The following ME1 variants were observed in gnomAD, a reference collection of about 807,000 sequenced individuals.
The protein encoded by ME1 is NADP-dependent malic enzyme.
Under a neutral mutation model 66.4 loss-of-function variants are expected in ME1, and 74 were observed. The ratio of observed to expected loss-of-function variants is 1.11; its 90% confidence interval spans 0.92 to 1.35. The LOEUF (loss-of-function observed/expected upper bound fraction) is 1.35. Ranked by LOEUF, ME1 falls within the 40% of genes most tolerant of loss-of-function variation. The pLI is 0.00. For synonymous variants in ME1, 251 were observed against 235.6 expected, an observed-to-expected ratio of 1.07 and a Z score of -0.60; for missense variants, 750 against 694.1, an observed-to-expected ratio of 1.08 and a Z score of -0.90.
intron 3 of ME1, among the ~76,000 whole-genome samples, chr6:83,358,291 G>A (rs146214177): frequency 2.6e-5 from 4 of 152,058 alleles, no homozygotes; most frequent in Non-Finnish European, 5.9e-5. Flanking sequence ...AAGGAGTTTA[G>A]TGACTCTATA....
chr6:83,279,674 C>A (rs1767253868), intron 6 of ME1, among the ~76,000 whole-genome samples: 1 of 151,978 alleles, frequency 6.6e-6, no homozygotes, highest in African/African-American at 2.4e-5. Context: ...GTAAAATAAT[C>A]ACAATGAGAA....
chr6:83,218,375 T>C (rs1179507729), intron 12 of ME1, among the ~76,000 whole-genome samples: 2 of 152,188 alleles, frequency 1.3e-5, no homozygotes, highest in African/African-American at 4.8e-5. Flanking sequence ...TAAAGGCTTA[T>C]GGTGTCCTCA....
chr6:83,296,323 G>A (rs1263454521), intron 6 of ME1, among the ~76,000 whole-genome samples: 3 of 152,114 alleles, frequency 2.0e-5, no homozygotes, highest in South Asian at 4.2e-4. Context: ...ACTCCACTAC[G>A]ATCAAGTAGG....
chr6:83,266,281 A>G (rs1325967367), intron 6 of ME1, among the ~76,000 whole-genome samples: 3 of 152,230 alleles, frequency 2.0e-5, no homozygotes, highest in Non-Finnish European at 2.9e-5. Context: ...ATCCATTCTT[A>G]GGCCACAGAG....
At chr6:83,248,872 A>C (rs1404985601) in intron 7 of ME1, among the ~76,000 whole-genome samples, 1 of 152,164 alleles carries the variant, frequency 6.6e-6, no homozygotes, top group African/African-American at 2.4e-5. Context: ...AAAATAGACT[A>C]ATGCAAATAA....
At chr6:83,415,727 C>T (rs1358494981) in intron 1 of ME1, among the ~76,000 whole-genome samples, 1 of 152,134 alleles carries the variant, frequency 6.6e-6, no homozygotes, top group African/African-American at 2.4e-5. Flanking sequence ...TTAAACTAAT[C>T]CACTATTAAC....
intron 6 of ME1, among the ~76,000 whole-genome samples, chr6:83,269,599 C>A (rs1767050836): frequency 6.6e-6 from 1 of 152,146 alleles, no homozygotes; most frequent in Non-Finnish European, 1.5e-5. Context: ...ATATACCCAA[C>A]TGTTCCCCCT....
intron 6 of ME1, among the ~76,000 whole-genome samples, chr6:83,287,901 C>T (rs1302332333): frequency 1.3e-5 from 2 of 152,094 alleles, no homozygotes; most frequent in African/African-American, 4.8e-5. Context: ...TCTCTAATGA[C>T]CAGTTATAAT....
intron 6 of ME1, among the ~76,000 whole-genome samples, chr6:83,285,193 T>C (rs933297264): frequency 2.0e-5 from 3 of 152,198 alleles, no homozygotes; most frequent in Admixed American, 6.5e-5. Flanking sequence ...ATTGAAAATG[T>C]ATGTGTATTA....
intron 2 of ME1, among the ~76,000 whole-genome samples, chr6:83,404,393 G>A (rs1270391809): frequency 1.3e-5 from 2 of 152,050 alleles, no homozygotes; most frequent in Non-Finnish European, 2.9e-5. Flanking sequence ...GTAGATTCTG[G>A]ATATTAGCCT....
At chr6:83,347,927 CAT>C (rs1171298511) in intron 4 of ME1, among the ~76,000 whole-genome samples, 7 of 152,152 alleles carry the variant, frequency 4.6e-5, no homozygotes, top group Non-Finnish European at 4.4e-5. Context: ...CAGAAACCCA[CAT>C]ATGTTAATTC....
intron 6 of ME1, among the ~76,000 whole-genome samples, chr6:83,291,784 G>A (rs1409426350): frequency 3.3e-5 from 5 of 151,906 alleles, no homozygotes; most frequent in South Asian, 2.1e-4. Context: ...GTCTTTTCAC[G>A]TAGTCCCATA....
intron 1 of ME1, among the ~76,000 whole-genome samples, chr6:83,421,307 C>A (rs954887176): frequency 1.3e-5 from 2 of 152,144 alleles, no homozygotes; most frequent in East Asian, 1.9e-4. Flanking sequence ...CATTTGGGAA[C>A]CAATTGCCTG....
intron 1 of ME1, among the ~76,000 whole-genome samples, chr6:83,410,870 C>T (rs1346349402): frequency 6.6e-6 from 1 of 152,156 alleles, no homozygotes; most frequent in African/African-American, 2.4e-5. Flanking sequence ...TCTAACGATT[C>T]TCCATATCTT....
At chr6:83,265,397 A>C (rs1337746837) in intron 6 of ME1, among the ~76,000 whole-genome samples, 2 of 152,184 alleles carry the variant, frequency 1.3e-5, no homozygotes, top group South Asian at 2.1e-4. Flanking sequence ...CCCAGGGTCA[A>C]GTAATTTTCC....
intron 6 of ME1, among the ~76,000 whole-genome samples, chr6:83,276,374 C>G (rs1767183255): frequency 6.6e-6 from 1 of 152,142 alleles, no homozygotes; most frequent in South Asian, 2.1e-4. Flanking sequence ...GAAATCCATA[C>G]CCAGGAAAAC....
At chr6:83,388,724 T>C (rs923855240) in intron 3 of ME1, among the ~76,000 whole-genome samples, 2 of 152,196 alleles carry the variant, frequency 1.3e-5, no homozygotes, top group South Asian at 2.1e-4. Context: ...AAAAGTACTA[T>C]CTAATCAAAC....
chr6:83,281,854 AG>A (rs1767300277), intron 6 of ME1, among the ~76,000 whole-genome samples: 2 of 117,930 alleles, frequency 1.7e-5, no homozygotes, highest in Admixed American at 8.2e-5. Flanking sequence ...AACAAAAAAG[AG>A]AAAAAAAAAA....
chr6:83,346,379 C>G (rs1265010782), intron 4 of ME1, 45 bp from the exon 5 acceptor site: 4 of 1,405,328 alleles, frequency 2.8e-6, no homozygotes, highest in Non-Finnish European at 3.9e-6. Flanking sequence ...TTTCACAAAT[C>G]CTGAGACACA....
Sources: allele counts gnomAD v4.1 joint callset (sites outside exome capture counted in the v4.1 genomes callset), GRCh38; gene constraint gnomAD v4.1.1; transcripts MANE v1.5; gene names NCBI Gene and HGNC (gene_info 2026-07-23, HGNC 2026-07-21).